Variants in ADGRG5 observed in about 807,000 individuals in gnomAD.
ADGRG5 encodes adhesion G protein-coupled receptor G5.
In ADGRG5, 37 loss-of-function variants were observed where a neutral mutation model predicts 53.2. The observed-to-expected ratio is 0.70, with a 90% CI of 0.53 to 0.91. The LOEUF is 0.91. Ranked by LOEUF, ADGRG5 falls within the 40% of genes least tolerant of loss-of-function variation. ADGRG5 has a pLI of 0.00. For missense variants in ADGRG5, 614 were observed against 675.8 expected (o/e 0.91, Z 1.01); for synonymous variants, 277 against 290.4 (o/e 0.95, Z 0.47).
chr16:57,552,631 A>G (rs2032781185), intron 1 of ADGRG5, among the ~76,000 whole-genome samples: 1 of 152,178 alleles, frequency 6.6e-6, no homozygotes. Flanking sequence ...TTGATCTTCT[A>G]TCCAGATCAC....
the ADGRG5 span, chr16:57,529,413 G>A: frequency 3.6e-6 from 1 of 276,666 alleles, no homozygotes; most frequent in Non-Finnish European, 6.0e-6. This position sits in a 1 kb window ranked among gnomAD's most constrained non-coding sequence, Gnocchi z 4.1. Flanking sequence ...GGAACAGAAC[G>A]GCCAAGGTAG....
At chr16:57,534,632 G>A in the ADGRG5 span, among the ~76,000 whole-genome samples, 1 of 152,158 alleles carries the variant, frequency 6.6e-6, no homozygotes, top group South Asian at 2.1e-4. Context: ...ATCAGCACAG[G>A]GCCCAGCATA....
At chr16:57,565,553 C>G (rs1472152960) in intron 6 of ADGRG5, 2 of 296,622 alleles carry the variant, frequency 6.7e-6, no homozygotes, top group East Asian at 1.1e-4. Flanking sequence ...GAGAGCCAGA[C>G]TTCCTTTCCC....
At chr16:57,558,057 G>T (rs967731536) in intron 1 of ADGRG5, among the ~76,000 whole-genome samples, 1 of 152,320 alleles carries the variant, frequency 6.6e-6, no homozygotes, top group East Asian at 1.9e-4. Context: ...CTAGAAATTG[G>T]AATATTTCTT....
At chr16:57,551,537 C>A (rs1423646815) in intron 1 of ADGRG5, among the ~76,000 whole-genome samples, 1 of 152,214 alleles carries the variant, frequency 6.6e-6, no homozygotes, top group Non-Finnish European at 1.5e-5. Context: ...ACTCCCCATC[C>A]ATTCAAGTTT....
chr16:57,562,059 C>T lies in ADGRG5; in HGVS notation c.-35C>T, dbSNP rs760808623. 6.8e-5 allele frequency: 103 copies of T among 1,510,202 alleles called. No homozygotes were observed. Among genetic ancestry groups the T allele is most frequent in the Non-Finnish European group, 8.5e-5 (95 of 1,123,002 alleles). 93.6% of individuals were successfully genotyped at this position (1,510,202 alleles called of 1,614,324 possible). A position where few individuals can be genotyped will look rare whatever the true frequency, so the allele number is the denominator to read the frequency against. ...TGATGGCATGCACCTTTTTCAGGGC[C>T]GGAGCCAGTTCTTGGAGGAGACTCT... On this transcript the variant is annotated 5_prime_UTR_variant, in exon 2 of 12. Coordinates refer to ENST00000349457, the MANE Select transcript of ADGRG5 (RefSeq NM_001304376.3).
In ADGRG5 at chr16:57,565,017, T is replaced by C. The variant is rs530815762; in HGVS notation, c.430-17T>C. 17 of 1,543,744 alleles carry C rather than the reference T, an allele frequency of 1.1e-5. No homozygotes were observed. The highest frequency in any genetic ancestry group is 1.7e-5 in the Admixed American group (1 of 59,736). Reference sequence around the variant, plus strand: ...CCATTTCCCCTCCACTCAGCCCTTCTCCTGCTGCCCTTCCAGGATGAAAAC... The same window carrying C: ...CCATTTCCCCTCCACTCAGCCCTTCCCCTGCTGCCCTTCCAGGATGAAAAC... On this transcript the variant is annotated splice_polypyrimidine_tract_variant and intron_variant, in intron 5 of 11. Transcript: ENST00000349457.
At chr16:57,545,435 C>T (rs113173618) in intron 1 of ADGRG5, among the ~76,000 whole-genome samples, 9,998 of 152,152 alleles carry the variant, frequency 0.066, 943 homozygotes, top group African/African-American at 0.21. Flanking sequence ...TCCTATGATC[C>T]CAGCCCTTTG....
At chr16:57,539,447 T>C (rs1470452647), upstream of ADGRG5, among the ~76,000 whole-genome samples, 1 of 119,294 alleles carries the variant, frequency 8.4e-6, no homozygotes, top group Non-Finnish European at 1.7e-5. Context: ...GCCATTGCAC[T>C]GTACCCCTTT....
chr16:57,562,460 G>A lies in ADGRG5; in HGVS notation c.140+1G>A. ...GCCGGAGCTCAGTTTTTTCCTCTCG[G>A]TGAGTTGGATGTGCCTCCCACCCCA... On this transcript the variant is annotated splice_donor_variant, in intron 3 of 11. Coordinates refer to ENST00000349457, the MANE Select transcript of ADGRG5 (RefSeq NM_001304376.3). LOFTEE classifies it high-confidence loss of function. The A allele has an allele frequency of 6.3e-7, 1 of 1,594,286 alleles. No homozygotes were observed.
rs757213284 is a variant in ADGRG5 at position 57,575,153 on chromosome 16, G to A, written c.1486+61G>A. ...GCAGGGGGTGTATGGCTGGTGGGAT[G>A]TTCACTGCTAAAGGGGTTCAGGTGA... On this transcript the variant is annotated intron_variant, in intron 11 of 11. Transcript: ENST00000349457. 64 of 1,549,946 alleles carry A rather than the reference G, an allele frequency of 4.1e-5. No individual in the cohort carries two copies. The Middle Eastern group carries it at 3.5e-3, about 84-fold the overall frequency.
At chr16:57,564,894 G>A in intron 5 of ADGRG5, 140 bp from the exon 6 acceptor site, 1 of 631,412 alleles carries the variant, frequency 1.6e-6, no homozygotes, top group Non-Finnish European at 2.8e-6. Context: ...AAGGCTGGGA[G>A]GCTGGGAGGC....
At chr16:57,543,230 C>A (rs1265613640) in intron 1 of ADGRG5, 1 of 150,830 alleles carries the variant, frequency 6.6e-6, no homozygotes. Flanking sequence ...CCAGGGTGGC[C>A]TCTCTTTCCC....
the ADGRG5 span, among the ~76,000 whole-genome samples, chr16:57,529,587 C>T: frequency 6.6e-6 from 1 of 152,236 alleles, no homozygotes; most frequent in Non-Finnish European, 1.5e-5. This position sits in a 1 kb window ranked among gnomAD's most constrained non-coding sequence, Gnocchi z 4.1. Flanking sequence ...TCCCGGCTCA[C>T]ACACTGATGG....
At chr16:57,545,599 A>G (rs1342285201) in intron 1 of ADGRG5, among the ~76,000 whole-genome samples, 1 of 152,212 alleles carries the variant, frequency 6.6e-6, no homozygotes, top group Non-Finnish European at 1.5e-5. Flanking sequence ...TCTACAAACT[A>G]TTCTGCATTT....
Position 57,566,682 on chromosome 16 carries a change from T to C in ADGRG5, c.630T>C (p.Arg210=), listed in dbSNP as rs759395505. 3.1e-6 allele frequency: 5 copies of C among 1,593,506 alleles called. No homozygotes were observed. The highest frequency in any genetic ancestry group is 4.3e-6 in the Non-Finnish European group (5 of 1,171,050). ...PWGGWSPEGC[R]TEQPSHSQVL... is the part of the protein sequence containing the mutation. The stretch of plus-strand genomic sequence containing the variant: ...GGGGCTGGAGCCCTGAGGGCTGTCG[T>C]ACAGAGCAGCCCTCCCACTCTCAGG... Residue 210 remains arginine, a synonymous_variant, in exon 7 of 12, where the codon CGT becomes CGC. Coordinates refer to ENST00000349457, the MANE Select transcript of ADGRG5 (RefSeq NM_001304376.3).
chr16:57,568,197 T>A, intron 9 of ADGRG5, 73 bp downstream of exon 9: 2 of 1,475,820 alleles, frequency 1.4e-6, no homozygotes, highest in South Asian at 2.4e-5. Flanking sequence ...TAGTCCTTTC[T>A]TTCCCCTCCT....
At position 57,565,124 on chromosome 16, in the gene ADGRG5, A is replaced by G. The variant is rs749103194; in HGVS notation, c.520A>G (p.Ile174Val). ...GAACAACCTCAGGGATCCTGTGAAC[A>G]TCAGCTTCTGGCACAACCAAAGCCT... ...HVNNLRDPVN[I>V]SFWHNQSLEG... is the part of the protein sequence containing the mutation. Residue 174 changes from isoleucine to valine, a missense_variant, in exon 6 of 12, where the codon ATC becomes GTC. Transcript: ENST00000349457. 2 of 1,613,432 alleles carry G rather than the reference A, an allele frequency of 1.2e-6. No homozygotes were observed. Among genetic ancestry groups the G allele is most frequent in the African/African-American group, 2.7e-5 (2 of 74,902 alleles).
At chr16:57,532,253 T>C in the ADGRG5 span, among the ~76,000 whole-genome samples, 1 of 152,166 alleles carries the variant, frequency 6.6e-6, no homozygotes. Flanking sequence ...ATTTGAGTAT[T>C]TGGCGATGCT....
Sources: gnomAD v4.1 joint callset for allele counts (sites outside exome capture counted in the v4.1 genomes callset) on GRCh38, gnomAD v4.1.1 for gene constraint, Gnocchi (gnomAD v3.1) non-coding constraint, MANE v1.5 for transcripts, NCBI Gene and HGNC (gene_info 2026-07-23, HGNC 2026-07-21) for gene names.